Variants in TLE3 observed in about 807,000 individuals in gnomAD.
TLE3 encodes transducin-like enhancer protein 3.
In TLE3, 14 loss-of-function variants were observed where a neutral mutation model predicts 93.0. The ratio of observed to expected loss-of-function variants is 0.15; its 90% CI spans 0.10 to 0.24. The LOEUF is 0.24. TLE3 is among the 10% of genes least tolerant of loss of function. The pLI is 1.00. For missense variants in TLE3, 693 were observed against 1,046.6 expected (o/e 0.66, Z 4.66); for synonymous variants, 451 against 425.0 (o/e 1.06, Z -0.75).
intron 6 of TLE3, among the ~76,000 whole-genome samples, chr15:70,067,095 C>T (rs890017704): frequency 6.6e-6 from 1 of 152,176 alleles, no homozygotes; most frequent in East Asian, 1.9e-4. Context: ...TGCCATGCAG[C>T]AAGTCAGTAT....
chr15:70,087,640 G>T (rs1486213993), intron 4 of TLE3, among the ~76,000 whole-genome samples: 3 of 152,198 alleles, frequency 2.0e-5, no homozygotes, highest in African/African-American at 7.2e-5. Flanking sequence ...CCTTTACCAA[G>T]AGCAGCCAGC....
chr15:70,062,495 C>T (rs561294270), intron 8 of TLE3, among the ~76,000 whole-genome samples: 46 of 152,306 alleles, frequency 3.0e-4, no homozygotes, highest in Admixed American at 3.0e-3. Flanking sequence ...TCGCCGCTAC[C>T]GGAGAGTCAT....
chr15:70,064,386 G>A, intron 8 of TLE3, 68 bp downstream of exon 8: 2 of 1,598,650 alleles, frequency 1.3e-6, no homozygotes, highest in Admixed American at 1.7e-5. Context: ...CGCGATTCTG[G>A]GAGCCCCGAG....
chr15:70,091,809 T>G (rs572787367), intron 4 of TLE3, among the ~76,000 whole-genome samples: 1 of 152,134 alleles, frequency 6.6e-6, no homozygotes, highest in South Asian at 2.1e-4. Context: ...TCCCAGCTAA[T>G]TGGCATTTCC....
chr15:70,096,320 C>T (rs1458764545), intron 1 of TLE3, 59 bp from the exon 2 acceptor site: 7 of 1,535,200 alleles, frequency 4.6e-6, no homozygotes, highest in Non-Finnish European at 6.1e-6. Flanking sequence ...GCGCTCAGAG[C>T]GGCCCCGGCC....
At position 70,074,574 on chromosome 15, in the gene TLE3, C is replaced by A. The variant is rs370686397; in HGVS notation, c.331G>T (p.Ala111Ser). 6.2e-7 allele frequency: 1 copy of A among 1,612,206 alleles called. No individual in the cohort carries two copies. The highest frequency in any genetic ancestry group is 1.1e-5 in the South Asian group (1 of 90,702). Residue 111 changes from alanine (A) to serine (S), a missense_variant, in exon 6 of 20, where the codon GCC becomes TCC. By Grantham distance (99) the Ala-to-Ser change is moderately conservative (BLOSUM62 1). Around this residue, in one of 4 missense-constraint regions of TLE3, gnomAD observed 104 missense variants for 173.8 expected, o/e 0.60. Transcript: ENST00000451782. Reference sequence around the variant, plus strand: ...AGCTCCGTCATGGTGACCTGCTTGGCGCGCTCCACTGCCTGCGCCACCTGC... The same window carrying A: ...AGCTCCGTCATGGTGACCTGCTTGGAGCGCTCCACTGCCTGCGCCACCTGC... The part of the protein sequence containing the change: ...QQQVAQAVER[A>S]KQVTMTELNA...
chr15:70,092,898 A>C (rs1004000197), intron 4 of TLE3, among the ~76,000 whole-genome samples: 13 of 152,168 alleles, frequency 8.5e-5, no homozygotes, highest in African/African-American at 3.1e-4. Flanking sequence ...TGCTGCTATA[A>C]ATTTTAAACC....
In TLE3 at chr15:70,058,300, G is replaced by C. The variant is rs1463147289; in HGVS notation, c.919-9C>G. The C allele has an allele frequency of 6.3e-7, 1 of 1,596,200 alleles. No homozygotes were observed. ...GTGGAGGATTTGTCGTTCTGAAGAG[G>C]GGAGATGCAGAACAAGGGAGGCCAT... On this transcript the variant is annotated splice_polypyrimidine_tract_variant and intron_variant, in intron 11 of 19. Transcript: ENST00000451782. The surrounding 1 kb of genome is among the most constrained non-coding windows in gnomAD (Gnocchi z 4.1).
At chr15:70,096,586 G>A (rs1010489664) in intron 1 of TLE3, 189 bp downstream of exon 1, 7 of 1,524,442 alleles carry the variant, frequency 4.6e-6, no homozygotes, top group Non-Finnish European at 6.2e-6. Flanking sequence ...GCAGCCCCCC[G>A]CGCCACTCGC....
Position 70,048,677 on chromosome 15 carries a change from A to C in TLE3, c.*1420T>G, listed in dbSNP as rs1968970164. The stretch of plus-strand genomic sequence containing the variant: ...AAAAAAAACAAACAAAAAAAACCCA[A>C]CCCAAATCCTAACACCTCAGAACAT... On this transcript the variant is annotated 3_prime_UTR_variant, in exon 20 of 20. Coordinates refer to ENST00000451782, the MANE Select transcript of TLE3 (RefSeq NM_001105192.3). The C allele has an allele frequency of 6.6e-6, 1 of 151,948 alleles. No homozygotes were observed. The highest frequency in any genetic ancestry group is 1.5e-5 in the Non-Finnish European group (1 of 67,964). 9.4% of individuals were successfully genotyped at this position (151,948 alleles called of 1,614,324 possible). A position where few individuals can be genotyped will look rare whatever the true frequency, so the allele number is the denominator to read the frequency against.
intron 4 of TLE3, among the ~76,000 whole-genome samples, chr15:70,078,640 G>C (rs549035758): frequency 6.6e-6 from 1 of 152,348 alleles, no homozygotes; most frequent in East Asian, 1.9e-4. Flanking sequence ...GTGGTGGATG[G>C]AGTGTTGACA....
rs2055906382 is a variant in TLE3 at position 70,055,112 on chromosome 15, G to A, written c.1515C>T (p.Cys505=). ...TRHVYTGGKG[C]VKIWDISQPG... The stretch of plus-strand genomic sequence containing the variant: ...GCTGGCTGATGTCCCAGATCTTCAC[G>A]CAGCCCTTGCCACCTGTGTAGACGT... Residue 505 remains cysteine (C), a synonymous_variant, in exon 15 of 20, where the codon TGC becomes TGT. Coordinates refer to ENST00000451782, the MANE Select transcript of TLE3 (RefSeq NM_001105192.3). 7 of 1,614,142 alleles carry A rather than the reference G, an allele frequency of 4.3e-6. No individual in the cohort carries two copies. Among genetic ancestry groups the A allele is most frequent in the East Asian group, 2.2e-5 (1 of 44,882 alleles).
In TLE3 at chr15:70,058,079, G is replaced by T; in HGVS notation, c.1051+80C>A. ...TGCCTGTGCTCTATCCCATGCGTGT[G>T]TGTCACCCCTGCCCTGGCCAAGAGC... On this transcript the variant is annotated intron_variant, in intron 12 of 19. Transcript: ENST00000451782. The surrounding 1 kb of genome is among the most constrained non-coding windows in gnomAD (Gnocchi z 4.1). 1 of 1,600,278 alleles carries T rather than the reference G, an allele frequency of 6.2e-7. No homozygotes were observed. Among genetic ancestry groups the T allele is most frequent in the Non-Finnish European group, 8.5e-7 (1 of 1,172,414 alleles).
chr15:70,084,317 G>A (rs915676221), intron 4 of TLE3, among the ~76,000 whole-genome samples: 1 of 152,238 alleles, frequency 6.6e-6, no homozygotes, highest in Admixed American at 6.5e-5. Flanking sequence ...CTTGGGCACT[G>A]ATAACAACAA....
intron 4 of TLE3, among the ~76,000 whole-genome samples, chr15:70,080,061 A>C (rs545084150): frequency 2.3e-5 from 1 of 43,416 alleles, no homozygotes; most frequent in South Asian, 2.2e-3. Context: ...GTTCCAAAAA[A>C]GGAAAAAAAA....
Position 70,076,143 on chromosome 15 carries a change from T to G in TLE3, c.250A>C (p.Arg84=). The G allele has an allele frequency of 6.2e-7, 1 of 1,614,004 alleles. No individual in the cohort carries two copies. The highest frequency in any genetic ancestry group is 1.6e-4 in the Middle Eastern group (1 of 6,062). ...EMHKQTEIAK[R]LNTILAQIMP... is the part of the protein sequence containing the mutation. Reference sequence around the variant, plus strand: ...ATCTGTGCTAAAATTGTGTTCAGTCTCTTCGCAATCTCTGTCTGCAAAGGC... The same window carrying G: ...ATCTGTGCTAAAATTGTGTTCAGTCGCTTCGCAATCTCTGTCTGCAAAGGC... The change falls in exon 5 of 20, where the codon AGA becomes CGA. Residue 84 remains arginine (R), a synonymous_variant. Coordinates refer to ENST00000451782, the MANE Select transcript of TLE3 (RefSeq NM_001105192.3).
Position 70,096,203 on chromosome 15 carries a change from C to A in TLE3, c.83G>T (p.Arg28Met). The A allele has an allele frequency of 6.4e-7, 1 of 1,562,022 alleles. No homozygotes were observed. Residue 28 changes from arginine to methionine, a missense_variant, in exon 2 of 20, where the codon AGG becomes ATG. By Grantham distance (91) the Arg-to-Met change is moderately conservative. Transcript: ENST00000451782. The part of the protein sequence containing the change: ...FKFTVAESCD[R>M]IKDEFQFLQA... ...CAGGAACTGGAATTCGTCTTTGATC[C>A]TGTCACAAGACTCAGCCACCGTGAA...
intron 8 of TLE3, among the ~76,000 whole-genome samples, chr15:70,061,623 G>C (rs901286030): frequency 3.3e-5 from 5 of 152,136 alleles, no homozygotes; most frequent in Non-Finnish European, 5.9e-5. Flanking sequence ...GCAAACCTCT[G>C]TGCCCAGAGA....
chr15:70,095,463 C>A (rs750714093), intron 3 of TLE3, 115 bp downstream of exon 3: 3 of 1,544,062 alleles, frequency 1.9e-6, no homozygotes, highest in Admixed American at 4.0e-5. Context: ...TCTCTCAGGG[C>A]CGCCCTGCGG....
Sources: allele counts gnomAD v4.1 joint callset (sites outside exome capture counted in the v4.1 genomes callset), GRCh38; gene constraint gnomAD v4.1.1; regional missense constraint gnomAD v4.1.1; non-coding constraint Gnocchi (gnomAD v3.1); transcripts MANE v1.5; gene names NCBI Gene and HGNC (gene_info 2026-07-23, HGNC 2026-07-21).